Variants in NKTR observed in about 807,000 individuals in gnomAD.
The protein encoded by NKTR is natural killer cell triggering receptor, also known as NK-tumor recognition protein.
A neutral mutation model predicts 156.3 loss-of-function variants in NKTR; 67 were observed. The ratio of observed to expected loss-of-function variants is 0.43; its 90% confidence interval spans 0.35 to 0.53. The LOEUF (loss-of-function observed/expected upper bound fraction) is 0.53. Ranked by LOEUF, NKTR falls within the 20% of genes least tolerant of loss-of-function variation. The pLI is 0.01. For missense variants in NKTR, 1,604 were observed against 1,730.9 expected (o/e 0.93, Z 1.30); for synonymous variants, 640 against 596.6 (o/e 1.07, Z -1.06).
At chr3:42,631,131 A>G (rs997686663) in intron 7 of NKTR, 40 bp from the exon 8 acceptor site, 1 of 1,609,052 alleles carries the variant, frequency 6.2e-7, no homozygotes, top group African/African-American at 1.3e-5. Flanking sequence ...TTATAGCTTA[A>G]TTATCAAACC....
chr3:42,628,140 T>C (rs182979787), intron 6 of NKTR: 2 of 983,694 alleles, frequency 2.0e-6, no homozygotes, highest in East Asian at 2.3e-4. Context: ...TTAGTATTCT[T>C]AATATGTAAT....
At chr3:42,626,451 A>T (rs886911476) in intron 6 of NKTR, among the ~76,000 whole-genome samples, 1 of 152,176 alleles carries the variant, frequency 6.6e-6, no homozygotes, top group African/African-American at 2.4e-5. Flanking sequence ...GAGATTAGAC[A>T]GGAAAAGAAG....
Position 42,637,306 on chromosome 3 carries a change from A to G in NKTR, c.1602A>G (p.Arg534=), listed in dbSNP as rs750574675. 14 of 1,614,192 alleles carry G rather than the reference A, an allele frequency of 8.7e-6. No homozygotes were observed. Among genetic ancestry groups the G allele is most frequent in the Admixed American group, 3.3e-5 (2 of 60,028 alleles). ...AGTCTTATTCTAGAGGAAGCTCAAG[A>G]TCAAGGACTGCGTCAAAGTCCTCAT... ...HSQSYSRGSS[R]SRTASKSSSH... Residue 534 remains arginine, a synonymous_variant, in exon 13 of 17, where the codon AGA becomes AGG. Transcript: ENST00000232978.
intron 8 of NKTR, among the ~76,000 whole-genome samples, chr3:42,632,086 T>G (rs946510979): frequency 8.9e-6 from 1 of 111,870 alleles, no homozygotes; most frequent in African/African-American, 3.9e-5. Flanking sequence ...TTTTTTTTTT[T>G]GAGACAAGAG....
At chr3:42,618,124 G>A (rs1048565489) in intron 3 of NKTR, among the ~76,000 whole-genome samples, 1 of 152,074 alleles carries the variant, frequency 6.6e-6, no homozygotes, top group Non-Finnish European at 1.5e-5. Context: ...GCCGAGGCAG[G>A]TGGATCACCT....
intron 13 of NKTR, among the ~76,000 whole-genome samples, chr3:42,640,802 C>G (rs567906310): frequency 6.6e-6 from 1 of 152,336 alleles, no homozygotes; most frequent in East Asian, 1.9e-4. Context: ...CTCCTTTCTC[C>G]CACTCAGGCC....
At chr3:42,636,377 GT>G (rs1318428523) in intron 12 of NKTR, among the ~76,000 whole-genome samples, 2 of 152,146 alleles carry the variant, frequency 1.3e-5, no homozygotes, top group Non-Finnish European at 2.9e-5. Flanking sequence ...GTTTTAAGTA[GT>G]TTACAGTCTT....
intron 2 of NKTR, among the ~76,000 whole-genome samples, chr3:42,615,029 T>A (rs999216324): frequency 1.8e-4 from 27 of 152,092 alleles, no homozygotes; most frequent in African/African-American, 6.3e-4. Context: ...AAGACTTTTT[T>A]TTTTGCTCCA....
chr3:42,640,671 G>C (rs1709812189), intron 13 of NKTR, among the ~76,000 whole-genome samples: 1 of 152,152 alleles, frequency 6.6e-6, no homozygotes, highest in Non-Finnish European at 1.5e-5. Context: ...CTGTGTGCTT[G>C]CTGCCTTCTG....
intron 2 of NKTR, among the ~76,000 whole-genome samples, chr3:42,615,291 C>G (rs935037458): frequency 2.6e-5 from 4 of 151,768 alleles, no homozygotes; most frequent in Admixed American, 6.6e-5. Context: ...GTTGGCCAGG[C>G]TGATCTTGAA....
intron 2 of NKTR, 148 bp from the exon 3 acceptor site, chr3:42,617,422 A>G: frequency 1.8e-6 from 1 of 558,188 alleles, no homozygotes; most frequent in Non-Finnish European, 3.2e-6. Flanking sequence ...GGTATCACCC[A>G]GTTAAATGCT....
At chr3:42,609,824 TTTG>T (rs753700881) in intron 2 of NKTR, among the ~76,000 whole-genome samples, 28 of 151,752 alleles carry the variant, frequency 1.8e-4, no homozygotes, top group Non-Finnish European at 3.8e-4. Context: ...TTTACTGTAT[TTTG>T]TTCTACTAGT....
rs187492964 is a variant in NKTR, at chr3:42,632,828, G to C, written c.773+5G>C. 1.3e-6 allele frequency: 2 copies of C among 1,568,182 alleles called. No individual in the cohort carries two copies. The highest frequency in any genetic ancestry group is 1.7e-6 in the Non-Finnish European group (2 of 1,159,238). ...ACATGCAATGAACCCAAAAGGGTAC[G>C]TGTAAAACACCAATGTACTCTTACC... On this transcript the variant is annotated splice_donor_5th_base_variant and intron_variant, in intron 9 of 16. Coordinates refer to ENST00000232978, the MANE Select transcript of NKTR (RefSeq NM_005385.4).
At chr3:42,633,814 G>C in intron 10 of NKTR, 79 bp downstream of exon 10, 1 of 1,487,160 alleles carries the variant, frequency 6.7e-7, no homozygotes, top group Non-Finnish European at 9.3e-7. Context: ...CCACACTCAT[G>C]TATGGAACAT....
intron 6 of NKTR, chr3:42,629,647 A>T (rs1393297137): frequency 1.2e-5 from 12 of 978,908 alleles, no homozygotes; most frequent in Non-Finnish European, 1.5e-5. Context: ...TCTGTTTCTC[A>T]TTCTTATAAA....
At chr3:42,640,599 A>G (rs1178470951) in intron 13 of NKTR, among the ~76,000 whole-genome samples, 1 of 152,168 alleles carries the variant, frequency 6.6e-6, no homozygotes, top group Non-Finnish European at 1.5e-5. Flanking sequence ...TTGCCTACCC[A>G]GACTTCCTAA....
At position 42,637,179 on chromosome 3, in the gene NKTR, C is replaced by CTCA; in HGVS notation, c.1479_1481dup (p.His494dup). On this transcript the variant is annotated inframe_insertion, in exon 13 of 17. Coordinates refer to ENST00000232978, the MANE Select transcript of NKTR (RefSeq NM_005385.4). ...AGTTCTCGTTCTTCCTCATTGTCAT[C>CTCA]TCATCACTCATCAAAGAGAGACTGG... 1 of 1,611,856 alleles carries CTCA rather than the reference C, an allele frequency of 6.2e-7. No individual in the cohort carries two copies.
chr3:42,613,791 A>G (rs1028482939), intron 2 of NKTR, among the ~76,000 whole-genome samples: 4 of 152,118 alleles, frequency 2.6e-5, no homozygotes, highest in Non-Finnish European at 5.9e-5. Flanking sequence ...TAATCTTAAT[A>G]TTGTTCCCCT....
rs1455045664 is a variant in NKTR, at chr3:42,629,669, G to C, written c.375-877G>C. The C allele has an allele frequency of 4.1e-6, 4 of 977,636 alleles. No homozygotes were observed. In the African/African-American group the frequency reaches 7.0e-5, roughly 17 times the overall value. The allele number at this position is 977,636 out of a possible 1,614,324, so 60.6% of individuals were successfully genotyped here. On this transcript the variant is annotated intron_variant, in intron 6 of 16. Coordinates refer to ENST00000232978, the MANE Select transcript of NKTR (RefSeq NM_005385.4). ...CTCATTCTTATAAATCAAGATGCTT[G>C]TAGTATATAATTCTGAGACTAATTA... is the stretch of plus-strand genomic sequence containing the variant.
Sources: gnomAD v4.1 joint callset for allele counts (sites outside exome capture counted in the v4.1 genomes callset) on GRCh38, gnomAD v4.1.1 for gene constraint, MANE v1.5 for transcripts, NCBI Gene and HGNC (gene_info 2026-07-23, HGNC 2026-07-21) for gene names.